The following CTIF variants were observed in gnomAD, a reference collection of about 807,000 sequenced individuals.
The protein encoded by CTIF is cap binding complex dependent translation initiation factor, also known as CBP80/20-dependent translation initiation factor.
A neutral mutation model predicts 66.0 loss-of-function variants in CTIF; 21 were observed. The ratio of observed to expected loss-of-function variants is 0.32; its 90% CI spans 0.23 to 0.46. CTIF has a LOEUF of 0.46. Ranked by LOEUF, CTIF falls within the 20% of genes least tolerant of loss-of-function variation. The pLI, the probability that CTIF is intolerant of heterozygous loss-of-function variation, is 1.00. For missense variants in CTIF, 739 were observed against 812.7 expected, an observed-to-expected ratio of 0.91 and a Z score of 1.10; for synonymous variants, 345 against 326.4, an observed-to-expected ratio of 1.06 and a Z score of -0.62.
At chr18:48,747,729 A>C (rs1274716018) in intron 7 of CTIF, among the ~76,000 whole-genome samples, 1 of 150,038 alleles carries the variant, frequency 6.7e-6, no homozygotes, top group Non-Finnish European at 1.5e-5. Context: ...CAACATAGCA[A>C]AACTCCTGTC....
At chr18:48,738,868 G>A (rs2092528318) in intron 7 of CTIF, among the ~76,000 whole-genome samples, 1 of 152,238 alleles carries the variant, frequency 6.6e-6, no homozygotes, top group East Asian at 1.9e-4. Context: ...GGACAAGAAG[G>A]TAGCCAGCCC....
intron 1 of CTIF, among the ~76,000 whole-genome samples, chr18:48,583,840 G>T (rs551676981): frequency 6.6e-6 from 1 of 152,306 alleles, no homozygotes. Context: ...GGATGAAGTT[G>T]GGGAATGATG....
intron 6 of CTIF, among the ~76,000 whole-genome samples, chr18:48,709,720 G>T (rs1050840395): frequency 2.6e-5 from 4 of 152,322 alleles, no homozygotes; most frequent in Non-Finnish European, 2.9e-5. Context: ...GAAACGAGAG[G>T]GGAAGACTTG....
chr18:48,790,968 C>T, intron 9 of CTIF, among the ~76,000 whole-genome samples: 1 of 152,240 alleles, frequency 6.6e-6, no homozygotes, highest in East Asian at 1.9e-4. Context: ...AGCCCCCAAA[C>T]CTGTCCACCT....
intron 1 of CTIF, among the ~76,000 whole-genome samples, chr18:48,600,040 A>T (rs1406072222): frequency 1.3e-5 from 2 of 152,156 alleles, no homozygotes; most frequent in Non-Finnish European, 2.9e-5. Flanking sequence ...TGTGTCTAAT[A>T]ATCTCCATGC....
At chr18:48,702,337 T>C (rs1238511143) in intron 6 of CTIF, among the ~76,000 whole-genome samples, 1 of 152,174 alleles carries the variant, frequency 6.6e-6, no homozygotes, top group African/African-American at 2.4e-5. Flanking sequence ...ATAGGGTGCA[T>C]GTCATAGGCT....
intron 1 of CTIF, among the ~76,000 whole-genome samples, chr18:48,572,821 C>G (rs1198393646): frequency 6.6e-6 from 1 of 152,016 alleles, no homozygotes; most frequent in Non-Finnish European, 1.5e-5. Flanking sequence ...AACCCCAACT[C>G]TTCAAAAAAT....
At chr18:48,723,815 A>G (rs1028307194) in intron 7 of CTIF, among the ~76,000 whole-genome samples, 4 of 152,232 alleles carry the variant, frequency 2.6e-5, no homozygotes, top group South Asian at 2.1e-4. Context: ...TAATTTAATT[A>G]TAGCCATTTA....
At chr18:48,800,872 G>A (rs1035429738) in intron 9 of CTIF, among the ~76,000 whole-genome samples, 3 of 152,240 alleles carry the variant, frequency 2.0e-5, no homozygotes, top group African/African-American at 4.8e-5. Context: ...ATTTTTAGCA[G>A]AAGAGTTGTT....
At chr18:48,841,165 A>G (rs1328555654) in intron 10 of CTIF, among the ~76,000 whole-genome samples, 1 of 152,118 alleles carries the variant, frequency 6.6e-6, no homozygotes, top group Non-Finnish European at 1.5e-5. Context: ...TAATGTAGGC[A>G]TCCCATAAAC....
intron 10 of CTIF, among the ~76,000 whole-genome samples, chr18:48,852,270 C>T (rs1013341942): frequency 8.3e-6 from 1 of 120,974 alleles, no homozygotes; most frequent in Admixed American, 9.2e-5. Context: ...AAAGTTCCAG[C>T]AAGACCACAC....
At chr18:48,597,653 C>A (rs938344135) in intron 1 of CTIF, among the ~76,000 whole-genome samples, 1 of 151,856 alleles carries the variant, frequency 6.6e-6, no homozygotes, top group African/African-American at 2.4e-5. Context: ...CCTGAAGCCT[C>A]CCCAGCAGCC....
At chr18:48,624,078 T>C (rs2090548843) in intron 2 of CTIF, among the ~76,000 whole-genome samples, 1 of 147,070 alleles carries the variant, frequency 6.8e-6, no homozygotes, top group African/African-American at 2.5e-5. Context: ...CTCCCCATGT[T>C]TGACACCACG....
chr18:48,616,733 A>G (rs1045480879), intron 1 of CTIF, among the ~76,000 whole-genome samples: 1 of 152,188 alleles, frequency 6.6e-6, no homozygotes, highest in Non-Finnish European at 1.5e-5. Context: ...CAGAAATTGC[A>G]GCATTCATAC....
At chr18:48,715,329 C>G (rs1231374250) in intron 7 of CTIF, among the ~76,000 whole-genome samples, 1 of 152,082 alleles carries the variant, frequency 6.6e-6, no homozygotes, top group Non-Finnish European at 1.5e-5. Flanking sequence ...CTAGTAACCA[C>G]TTGTTTGTTT....
intron 6 of CTIF, among the ~76,000 whole-genome samples, chr18:48,674,004 G>A (rs2091583091): frequency 6.6e-6 from 1 of 152,194 alleles, no homozygotes; most frequent in Admixed American, 6.5e-5. Flanking sequence ...AACTGCAAGG[G>A]CTGACACTTC....
intron 1 of CTIF, among the ~76,000 whole-genome samples, chr18:48,559,867 G>T (rs1465605139): frequency 6.6e-6 from 1 of 152,128 alleles, no homozygotes; most frequent in Non-Finnish European, 1.5e-5. Context: ...CACTATTCAG[G>T]CATGAGTACA....
chr18:48,601,971 A>T lies in CTIF; in HGVS notation c.-28-17567A>T, dbSNP rs74655311. Among the ~76,000 whole-genome samples the T allele has an allele frequency of 3.9e-5, 6 of 152,322 alleles. No homozygotes were observed. In the East Asian group the frequency reaches 1.2e-3, roughly 29 times the overall value. ...AAGAATTGGCTTGCTCGTTTCACTGATGCTAGGAGGCATGTTCATTTCACA... is the reference window on the plus strand; with the variant it reads ...AAGAATTGGCTTGCTCGTTTCACTGTTGCTAGGAGGCATGTTCATTTCACA... On this transcript the variant is annotated intron_variant, in intron 1 of 11. Coordinates refer to ENST00000256413, the MANE Select transcript of CTIF (RefSeq NM_014772.3).
chr18:48,588,748 C>T (rs977840223), intron 1 of CTIF, among the ~76,000 whole-genome samples: 7 of 152,194 alleles, frequency 4.6e-5, no homozygotes, highest in Admixed American at 3.3e-4. Flanking sequence ...CAAAGAACAC[C>T]GCTGTCCTGT....
Sources: gnomAD v4.1 joint callset for allele counts (sites outside exome capture counted in the v4.1 genomes callset) on GRCh38, gnomAD v4.1.1 for gene constraint, MANE v1.5 for transcripts, NCBI Gene and HGNC (gene_info 2026-07-23, HGNC 2026-07-21) for gene names.